HSD17B4: variants seen among roughly 807,000 people sequenced by gnomAD.
HSD17B4 encodes peroxisomal multifunctional enzyme type 2.
A neutral mutation model predicts 101.0 loss-of-function variants in HSD17B4; 70 were observed. That is an observed-to-expected ratio of 0.69 (90% CI 0.57 to 0.85). The LOEUF is 0.85. Among genes scored for constraint, HSD17B4 ranks in the 40% least tolerant of loss-of-function variants. The probability of loss-of-function intolerance (pLI) is 0.00; values close to 1 mark genes in which losing one functional copy is unlikely to be tolerated. For synonymous variants in HSD17B4, 347 were observed against 297.1 expected (o/e 1.17, Z -1.73); for missense variants, 984 against 892.4 (o/e 1.10, Z -1.31).
chr5:119,461,086 C>G (rs1755180970), intron 2 of HSD17B4, among the ~76,000 whole-genome samples: 1 of 152,138 alleles, frequency 6.6e-6, no homozygotes, highest in African/African-American at 2.4e-5. Context: ...AGAGTAAGGA[C>G]TAACTTTTAC....
chr5:119,526,097 GATTTAATTGA>G, intron 19 of HSD17B4, 74 bp downstream of exon 19: 1 of 870,166 alleles, frequency 1.1e-6, no homozygotes, highest in South Asian at 1.3e-5. Flanking sequence ...GGGTTTTAGT[GATTTAATTGA>G]AAATAGATAT....
chr5:119,452,743 T>C (rs1754185629), intron 1 of HSD17B4, 110 bp downstream of exon 1: 2 of 1,595,502 alleles, frequency 1.3e-6, no homozygotes, highest in East Asian at 2.2e-5. Context: ...GCTGAGGTGG[T>C]GGGGAGGGGA....
At chr5:119,511,489 A>G (rs556200820) in intron 16 of HSD17B4, among the ~76,000 whole-genome samples, 3 of 152,264 alleles carry the variant, frequency 2.0e-5, no homozygotes, top group Admixed American at 6.5e-5. Flanking sequence ...ATTGTTGAAC[A>G]ATTTATACCC....
chr5:119,455,564 C>CTATATATA (rs1366517649), intron 1 of HSD17B4, among the ~76,000 whole-genome samples: 78 of 126,260 alleles, frequency 6.2e-4, no homozygotes, highest in African/African-American at 2.0e-3. Flanking sequence ...CTCTCTCTCT[C>CTATATATA]TCTCTATATA....
chr5:119,495,938 C>A (rs543174092), intron 11 of HSD17B4: 1 of 154,706 alleles, frequency 6.5e-6, no homozygotes, highest in Non-Finnish European at 1.4e-5. Context: ...GTCCCAGGGC[C>A]TTCAGAATAT....
intron 16 of HSD17B4, among the ~76,000 whole-genome samples, chr5:119,510,045 C>G (rs978469150): frequency 4.6e-5 from 7 of 152,146 alleles, no homozygotes; most frequent in Admixed American, 1.3e-4. Flanking sequence ...GTATATTGAT[C>G]TTATATTACC....
chr5:119,527,279 T>A, intron 20 of HSD17B4, 60 bp downstream of exon 20: 1 of 881,536 alleles, frequency 1.1e-6, no homozygotes, highest in Non-Finnish European at 1.9e-6. Context: ...CATCTTACCA[T>A]TTTTTTTTGG....
intron 2 of HSD17B4, among the ~76,000 whole-genome samples, chr5:119,464,012 A>G (rs944357745): frequency 1.3e-5 from 2 of 152,090 alleles, no homozygotes; most frequent in Non-Finnish European, 2.9e-5. Flanking sequence ...TTTTAAAAAT[A>G]TACTGTTTAT....
chr5:119,489,053 G>T, intron 8 of HSD17B4, 139 bp from the exon 9 acceptor site: 1 of 633,884 alleles, frequency 1.6e-6, no homozygotes. Flanking sequence ...TCTTCGCAAA[G>T]ACTTAAATGT....
chr5:119,539,370 G>A (rs1278775322), intron 23 of HSD17B4, among the ~76,000 whole-genome samples: 1 of 149,636 alleles, frequency 6.7e-6, no homozygotes, highest in Non-Finnish European at 1.5e-5. Context: ...CTCACATGTG[G>A]GAATTGAACA....
intron 17 of HSD17B4, among the ~76,000 whole-genome samples, chr5:119,520,947 G>C (rs1561481971): frequency 6.6e-6 from 1 of 151,996 alleles, no homozygotes; most frequent in Non-Finnish European, 1.5e-5. Flanking sequence ...TATTTTTACT[G>C]TTTAGAGCAT....
At chr5:119,496,739 CT>C in intron 12 of HSD17B4, 93 bp downstream of exon 12, 1 of 798,800 alleles carries the variant, frequency 1.3e-6, no homozygotes. Context: ...ACTTCTTTCT[CT>C]TTTCTTTTGG....
In HSD17B4 at chr5:119,452,514, G is replaced by C; in HGVS notation, c.-62G>C. ...CCCCCGCCATTCCCCGCCTCCTCCT[G>C]TCCCGCAGTCGGCGTCCAGCGGCTC... On this transcript the variant is annotated 5_prime_UTR_variant, in exon 1 of 24. Coordinates refer to ENST00000510025, the MANE Select transcript of HSD17B4 (RefSeq NM_000414.4). 6.2e-7 allele frequency: 1 copy of C among 1,612,964 alleles called. No homozygotes were observed. Among genetic ancestry groups the C allele is most frequent in the Non-Finnish European group, 8.5e-7 (1 of 1,179,878 alleles).
chr5:119,505,097 C>T (rs1300011008), intron 14 of HSD17B4, among the ~76,000 whole-genome samples: 6 of 151,950 alleles, frequency 3.9e-5, no homozygotes, highest in African/African-American at 1.4e-4. Flanking sequence ...CTGTTCTTTT[C>T]CATTGGTCTT....
intron 2 of HSD17B4, among the ~76,000 whole-genome samples, chr5:119,462,345 A>G (rs1312599445): frequency 7.2e-6 from 1 of 138,876 alleles, no homozygotes; most frequent in East Asian, 2.1e-4. Context: ...TTTGAGGAGC[A>G]GAGTGGTACT....
Position 119,478,821 on chromosome 5 carries a change from A to G in HSD17B4, c.435-13A>G, listed in dbSNP as rs750409693. On this transcript the variant is annotated splice_polypyrimidine_tract_variant and intron_variant, in intron 7 of 23. Coordinates refer to ENST00000510025, the MANE Select transcript of HSD17B4 (RefSeq NM_000414.4). Reference sequence around the variant, plus strand: ...TGGAAAAGATGATATTGAGAGATTGATTTTCTTTTTAGGATTATTATGACT... The same window carrying G: ...TGGAAAAGATGATATTGAGAGATTGGTTTTCTTTTTAGGATTATTATGACT... The G allele has an allele frequency of 1.2e-6, 2 of 1,607,004 alleles. No homozygotes were observed. The highest frequency in any genetic ancestry group is 1.1e-5 in the South Asian group (1 of 90,934).
chr5:119,463,064 A>G (rs1162394122), intron 2 of HSD17B4, among the ~76,000 whole-genome samples: 1 of 152,110 alleles, frequency 6.6e-6, no homozygotes, highest in African/African-American at 2.4e-5. Context: ...CTTCTGTGAG[A>G]TCAACTTATT....
At chr5:119,469,720 C>T (rs1756168669) in intron 2 of HSD17B4, among the ~76,000 whole-genome samples, 1 of 152,192 alleles carries the variant, frequency 6.6e-6, no homozygotes, top group Admixed American at 6.5e-5. Context: ...GTCGTATCTT[C>T]CCCTTTTATG....
intron 11 of HSD17B4, among the ~76,000 whole-genome samples, chr5:119,494,316 C>CT (rs767755108): frequency 7.4e-6 from 1 of 134,378 alleles, no homozygotes; most frequent in Admixed American, 7.3e-5. Context: ...TTCTTCCTTT[C>CT]TTTCTTTCTT....
Sources: gnomAD v4.1 joint callset for allele counts (sites outside exome capture counted in the v4.1 genomes callset) on GRCh38, gnomAD v4.1.1 for gene constraint, MANE v1.5 for transcripts, NCBI Gene and HGNC (gene_info 2026-07-23, HGNC 2026-07-21) for gene names.